SLC60A1: variants seen among roughly 807,000 people sequenced by gnomAD.
The protein encoded by SLC60A1 is solute carrier family 60 member 1.
chr1:205,592,263 A>T, the SLC60A1 span: 3 of 1,613,328 alleles, frequency 1.9e-6, no homozygotes, highest in Non-Finnish European at 2.5e-6. Context: ...GCTGGCCTAC[A>T]CGGAGGACTC....
the SLC60A1 span, among the ~76,000 whole-genome samples, chr1:205,574,252 G>A: frequency 1.3e-5 from 2 of 151,858 alleles, no homozygotes; most frequent in African/African-American, 4.8e-5. Context: ...TTCAAGACCA[G>A]CCTGGGCAAC....
the SLC60A1 span, chr1:205,579,773 CT>C: frequency 1.2e-6 from 2 of 1,614,166 alleles, no homozygotes; most frequent in Non-Finnish European, 1.7e-6. Context: ...ACTATGGGCC[CT>C]GTTCACCTCC....
chr1:205,584,226 T>A, the SLC60A1 span: 1 of 1,315,458 alleles, frequency 7.6e-7, no homozygotes, highest in Admixed American at 2.8e-5. Context: ...TGATTTTTTT[T>A]TTTTTTTTTT....
the SLC60A1 span, among the ~76,000 whole-genome samples, chr1:205,588,949 G>A: frequency 6.6e-6 from 1 of 152,240 alleles, no homozygotes; most frequent in Non-Finnish European, 1.5e-5. Context: ...ACCAGACTGA[G>A]TCACTGGCTG....
chr1:205,600,336 CAGAA>C, the SLC60A1 span: 1 of 1,495,676 alleles, frequency 6.7e-7, no homozygotes, highest in South Asian at 1.2e-5. Context: ...GGTAAGCTCT[CAGAA>C]TGAATCATCA....
At chr1:205,574,711 T>G in the SLC60A1 span, among the ~76,000 whole-genome samples, 5 of 152,228 alleles carry the variant, frequency 3.3e-5, no homozygotes, top group East Asian at 9.7e-4. Flanking sequence ...AGCTGACTCT[T>G]GCGCGACAGG....
the SLC60A1 span, among the ~76,000 whole-genome samples, chr1:205,593,192 C>T: frequency 4.6e-5 from 7 of 151,934 alleles, no homozygotes; most frequent in South Asian, 6.2e-4. Context: ...GATTTCTGGC[C>T]GCGCGGGGTG....
chr1:205,580,629 A>G, the SLC60A1 span: 2 of 639,788 alleles, frequency 3.1e-6, no homozygotes, highest in South Asian at 2.8e-5. The surrounding 1 kb of genome is among the most constrained non-coding windows in gnomAD (Gnocchi z 5.0). Flanking sequence ...ACTGACCCCC[A>G]CCCCCACCCG....
chr1:205,595,354 G>A, the SLC60A1 span, among the ~76,000 whole-genome samples: 648 of 152,162 alleles, frequency 4.3e-3, 4 homozygotes, highest in South Asian at 0.023. Context: ...GCTCCATCTC[G>A]CCCCTTTATC....
chr1:205,597,790 C>T, the SLC60A1 span: 2 of 1,613,970 alleles, frequency 1.2e-6, no homozygotes, highest in Non-Finnish European at 1.7e-6. Flanking sequence ...GCTGTGCAAC[C>T]ACAGTGCTGG....
chr1:205,584,968 C>T, the SLC60A1 span: 5 of 1,613,950 alleles, frequency 3.1e-6, no homozygotes, highest in Admixed American at 8.3e-5. Context: ...CGCCCTGGTA[C>T]TGTTCATGAC....
the SLC60A1 span, among the ~76,000 whole-genome samples, chr1:205,584,314 C>G: frequency 5.5e-3 from 837 of 151,340 alleles, 13 homozygotes; most frequent in African/African-American, 0.019. Context: ...CTCCGCCTCC[C>G]AGGTTCAAGC....
At chr1:205,587,462 A>G in the SLC60A1 span, among the ~76,000 whole-genome samples, 2 of 152,074 alleles carry the variant, frequency 1.3e-5, no homozygotes, top group African/African-American at 2.4e-5. Context: ...TTCAATGTAG[A>G]TGGGAGGTAG....
the SLC60A1 span, chr1:205,583,880 A>G: frequency 6.7e-7 from 1 of 1,485,602 alleles, no homozygotes; most frequent in Non-Finnish European, 9.1e-7. Flanking sequence ...ATGCACATGC[A>G]GTGTGTGCAG....
chr1:205,587,905 T>C, the SLC60A1 span, among the ~76,000 whole-genome samples: 3 of 152,126 alleles, frequency 2.0e-5, no homozygotes, highest in African/African-American at 7.2e-5. Flanking sequence ...GGTGGAAATC[T>C]GGGTTTGGGA....
chr1:205,571,441 C>A, the SLC60A1 span, among the ~76,000 whole-genome samples: 11 of 152,330 alleles, frequency 7.2e-5, no homozygotes, highest in Non-Finnish European at 1.2e-4. Context: ...CTGACAACTT[C>A]TGGGAATGTA....
At chr1:205,597,089 C>G in the SLC60A1 span, among the ~76,000 whole-genome samples, 1 of 152,214 alleles carries the variant, frequency 6.6e-6, no homozygotes, top group Non-Finnish European at 1.5e-5. Context: ...AGCGAAGACA[C>G]TAGTCTGCCT....
chr1:205,577,562 A>G, the SLC60A1 span, among the ~76,000 whole-genome samples: 1 of 152,138 alleles, frequency 6.6e-6, no homozygotes, highest in Non-Finnish European at 1.5e-5. The surrounding 1 kb of genome is among the most constrained non-coding windows in gnomAD (Gnocchi z 5.2). Flanking sequence ...GCTGCTCTCC[A>G]GTGCTTCCTA....
the SLC60A1 span, chr1:205,601,716 T>G: frequency 6.6e-6 from 1 of 152,436 alleles, no homozygotes; most frequent in African/African-American, 2.4e-5. Context: ...CCCAAGTAGC[T>G]GTGACTACAG....
Sources: allele counts gnomAD v4.1 joint callset (sites outside exome capture counted in the v4.1 genomes callset), GRCh38; gene constraint gnomAD v4.1.1; non-coding constraint Gnocchi (gnomAD v3.1); transcripts MANE v1.5; gene names NCBI Gene and HGNC (gene_info 2026-07-23, HGNC 2026-07-21).